The following TFIP11 variants were observed in gnomAD, a reference collection of about 807,000 sequenced individuals.
TFIP11 encodes the protein tuftelin-interacting protein 11.
In TFIP11, 86 loss-of-function variants were observed where a neutral mutation model predicts 96.8. The observed-to-expected ratio is 0.89, with a 90% CI of 0.75 to 1.06. The LOEUF is 1.06. Ranked by LOEUF, TFIP11 falls within the 50% of genes least tolerant of loss-of-function variation. The pLI, the probability that TFIP11 is intolerant of heterozygous loss-of-function variation, is 0.00. For synonymous variants in TFIP11, 405 were observed against 395.2 expected (o/e 1.02, Z -0.29); for missense variants, 881 against 1,076.7 (o/e 0.82, Z 2.54).
chr22:26,492,340 C>T lies in TFIP11; in HGVS notation c.2187G>A (p.Glu729=), dbSNP rs1921314908. The change falls in exon 15 of 15, where the codon GAG becomes GAA. Residue 729 remains glutamate, a synonymous_variant. Coordinates refer to ENST00000407690, the MANE Select transcript of TFIP11 (RefSeq NM_012143.4). ...CCGTGTGGGTGAGATAGGCAATGTT[C>T]TCCCGTGCTCCTGGCTGCATGTAGG... ...VGAYMQPGAR[E]NIAYLTHTER... The T allele has an allele frequency of 6.2e-7, 1 of 1,614,180 alleles. No homozygotes were observed. The highest frequency in any genetic ancestry group is 8.5e-7 in the Non-Finnish European group (1 of 1,180,018).
chr22:26,505,094 A>G (rs1923240334), intron 6 of TFIP11, among the ~76,000 whole-genome samples: 1 of 152,066 alleles, frequency 6.6e-6, no homozygotes, highest in African/African-American at 2.4e-5. Flanking sequence ...TAATAATGTT[A>G]TTATTATTAT....
chr22:26,496,006 A>G, intron 12 of TFIP11, 67 bp downstream of exon 12: 2 of 1,564,478 alleles, frequency 1.3e-6, no homozygotes, highest in Non-Finnish European at 1.7e-6. Flanking sequence ...TTAAATCATC[A>G]CTGCTAACCA....
At chr22:26,495,958 T>A in intron 12 of TFIP11, 115 bp downstream of exon 12, 4 of 1,426,962 alleles carry the variant, frequency 2.8e-6, no homozygotes, top group Non-Finnish European at 3.8e-6. Flanking sequence ...CAAGGAATAT[T>A]GTGTACTAAG....
chr22:26,493,807 G>A (rs1921553083), intron 14 of TFIP11: 2 of 286,466 alleles, frequency 7.0e-6, no homozygotes, highest in East Asian at 8.5e-5. Context: ...CGTCACCTAA[G>A]CAGCATGCTC....
At chr22:26,493,985 C>CA in intron 14 of TFIP11, 154 bp downstream of exon 14, 1 of 774,400 alleles carries the variant, frequency 1.3e-6, no homozygotes, top group Non-Finnish European at 2.0e-6. Context: ...CCATGTACCC[C>CA]AGTCAGCAGG....
At chr22:26,495,682 ATGTGTGTG>A (rs555549211) in intron 12 of TFIP11, among the ~76,000 whole-genome samples, 31 of 146,080 alleles carry the variant, frequency 2.1e-4, no homozygotes, top group Middle Eastern at 3.5e-3. Flanking sequence ...ATATACATAT[ATGTGTGTG>A]TGTGTGTGTG....
Position 26,491,454 on chromosome 22 carries a change from TC to T in TFIP11, c.*558del. 1 of 1,605,446 alleles carries T rather than the reference TC, an allele frequency of 6.2e-7. No homozygotes were observed. The highest frequency in any genetic ancestry group is 8.5e-7 in the Non-Finnish European group (1 of 1,176,060). ...TCTGAAGTTTTTATACTTGAATTTT[TC>T]TGCTCAGATTTTAAAAGGACTGGAG... On this transcript the variant is annotated 3_prime_UTR_variant, in exon 15 of 15. Coordinates refer to ENST00000407690, the MANE Select transcript of TFIP11 (RefSeq NM_012143.4).
At position 26,496,819 on chromosome 22, in the gene TFIP11, G is replaced by C. The variant is rs779110168; in HGVS notation, c.1507C>G (p.Pro503Ala). The change falls in exon 11 of 15, where the codon CCG (proline) becomes GCG (alanine). Residue 503 changes from proline to alanine, a missense_variant. Coordinates refer to ENST00000407690, the MANE Select transcript of TFIP11 (RefSeq NM_012143.4). Reference protein sequence around the residue: ...VTQWQPRNCDPMVDFLDSWVH... With the variant: ...VTQWQPRNCDAMVDFLDSWVH... ...CAACTATCCAAAAAGTCCACCATCG[G>C]GTCACAGTTCCTTGGCTGCCACTGG... The C allele has an allele frequency of 3.1e-6, 5 of 1,614,086 alleles. No homozygotes were observed. The highest frequency in any genetic ancestry group is 1.7e-4 in the Middle Eastern group (1 of 6,058).
At position 26,499,147 on chromosome 22, in the gene TFIP11, T is replaced by C. The variant is rs769644425; in HGVS notation, c.1286A>G (p.Tyr429Cys). 9.3e-5 allele frequency: 149 copies of C among 1,597,922 alleles called. No individual in the cohort carries two copies. The highest frequency in any genetic ancestry group is 6.3e-4 in the East Asian group (28 of 44,646). Residue 429 changes from tyrosine (Y) to cysteine (C), a missense_variant, in exon 9 of 15, where the codon TAT becomes TGT. Coordinates refer to ENST00000407690, the MANE Select transcript of TFIP11 (RefSeq NM_012143.4). ...CTTGAAGTACTCCTTCATGAGTGGATAGACGATGGCCACAGCAAGGTCCAC... is the reference window on the plus strand; with the variant it reads ...CTTGAAGTACTCCTTCATGAGTGGACAGACGATGGCCACAGCAAGGTCCAC... ...DRVDLAVAIV[Y>C]PLMKEYFKEW...
Position 26,491,330 on chromosome 22 carries a change from TA to T in TFIP11, c.*682del. The T allele has an allele frequency of 2.5e-6, 2 of 805,012 alleles. No homozygotes were observed. The highest frequency in any genetic ancestry group is 2.5e-5 in the East Asian group (1 of 39,218). 49.9% of individuals were successfully genotyped at this position (805,012 alleles called of 1,614,324 possible). A position where few individuals can be genotyped will look rare whatever the true frequency, so the allele number is the denominator to read the frequency against. ...GCCCAATTCATTGTGCAAAAGCATT[TA>T]AATCAAAATACCCTATTTGTTATTT... On this transcript the variant is annotated 3_prime_UTR_variant, in exon 15 of 15. Coordinates refer to ENST00000407690, the MANE Select transcript of TFIP11 (RefSeq NM_012143.4).
Position 26,496,142 on chromosome 22 carries a change from G to A in TFIP11, c.1780C>T (p.Pro594Ser). 6.2e-7 allele frequency: 1 copy of A among 1,613,972 alleles called. No homozygotes were observed. The highest frequency in any genetic ancestry group is 8.5e-7 in the Non-Finnish European group (1 of 1,180,024). The part of the protein sequence containing the change: ...SDSSAKLILQ[P>S]WKDVFTPGSW... ...CCAGGAGTGAAGACATCCTTCCAGGGCTGGAGGATGAGCTTGGCAGAGGAG... is the reference window on the plus strand; with the variant it reads ...CCAGGAGTGAAGACATCCTTCCAGGACTGGAGGATGAGCTTGGCAGAGGAG... Residue 594 changes from proline to serine, a missense_variant, in exon 12 of 15, where the codon CCC becomes TCC. Coordinates refer to ENST00000407690, the MANE Select transcript of TFIP11 (RefSeq NM_012143.4).
intron 8 of TFIP11, among the ~76,000 whole-genome samples, chr22:26,501,213 G>GT (rs565743111): frequency 6.4e-4 from 97 of 152,196 alleles, no homozygotes; most frequent in Non-Finnish European, 1.2e-3. Flanking sequence ...CTACATGGAC[G>GT]TAACAGTGGC....
In TFIP11 at chr22:26,491,433, A is replaced by C. The variant is rs1387678303; in HGVS notation, c.*580T>G. ...GAGTGGGGATTACTGTGACTATCTG[A>C]AGTTTTTATACTTGAATTTTTCTGC... On this transcript the variant is annotated 3_prime_UTR_variant, in exon 15 of 15. Coordinates refer to ENST00000407690, the MANE Select transcript of TFIP11 (RefSeq NM_012143.4). 9 of 1,553,722 alleles carry C rather than the reference A, an allele frequency of 5.8e-6. No homozygotes were observed. Among genetic ancestry groups the C allele is most frequent in the Non-Finnish European group, 8.0e-6 (9 of 1,131,364 alleles).
chr22:26,503,852 G>A (rs906668958), intron 6 of TFIP11, 59 bp from the exon 7 acceptor site: 4 of 1,590,786 alleles, frequency 2.5e-6, no homozygotes, highest in Non-Finnish European at 3.4e-6. Flanking sequence ...TCATGTATGT[G>A]AATCAGCCAC....
chr22:26,498,244 TA>T (rs1922307861), intron 10 of TFIP11, among the ~76,000 whole-genome samples: 1 of 152,062 alleles, frequency 6.6e-6, no homozygotes, highest in Non-Finnish European at 1.5e-5. Context: ...GGGTGAGGGA[TA>T]AAAGACTACA....
intron 4 of TFIP11, among the ~76,000 whole-genome samples, chr22:26,507,390 C>T (rs1049673305): frequency 6.6e-6 from 1 of 152,038 alleles, no homozygotes; most frequent in Non-Finnish European, 1.5e-5. Flanking sequence ...TTAGAAAAAG[C>T]TCCTAGCCAT....
chr22:26,503,646 G>A lies in TFIP11; in HGVS notation c.648+20C>T, dbSNP rs775536175. 1 of 1,613,200 alleles carries A rather than the reference G, an allele frequency of 6.2e-7. No individual in the cohort carries two copies. Among genetic ancestry groups the A allele is most frequent in the South Asian group, 1.1e-5 (1 of 90,876 alleles). On this transcript the variant is annotated intron_variant, in intron 7 of 14. Coordinates refer to ENST00000407690, the MANE Select transcript of TFIP11 (RefSeq NM_012143.4). ...AATGGACAGGACACCATCCACCCAT[G>A]TCTCCTGACTTCCAGTTACCTCTTC...
Position 26,491,505 on chromosome 22 carries a change from C to T in TFIP11, c.*508G>A, listed in dbSNP as rs1208946957. 9 of 1,614,036 alleles carry T rather than the reference C, an allele frequency of 5.6e-6. No homozygotes were observed. The highest frequency in any genetic ancestry group is 7.6e-6 in the Non-Finnish European group (9 of 1,180,004). On this transcript the variant is annotated 3_prime_UTR_variant, in exon 15 of 15. Transcript: ENST00000407690. ...GGAGCTTGAGTTTCCTCAGACTTCA[C>T]AATACATGGACATATTTAATGATAC...
Position 26,496,631 on chromosome 22 carries a change from C to T in TFIP11, c.1605+90G>A, listed in dbSNP as rs192338888. 17 of 1,456,916 alleles carry T rather than the reference C, an allele frequency of 1.2e-5. No homozygotes were observed. In the East Asian group the frequency reaches 2.1e-4, roughly 18 times the overall value. The allele number at this position is 1,456,916 out of a possible 1,614,324, so 90.2% of individuals were successfully genotyped here. A position where few individuals can be genotyped will look rare whatever the true frequency, so the allele number is the denominator to read the frequency against. ...GTTGACAAATTCCGTTAATTCCAGGCGTTTTAACAGCACTGAGATAATGAA... is the reference window on the plus strand; with the variant it reads ...GTTGACAAATTCCGTTAATTCCAGGTGTTTTAACAGCACTGAGATAATGAA... On this transcript the variant is annotated intron_variant, in intron 11 of 14. Coordinates refer to ENST00000407690, the MANE Select transcript of TFIP11 (RefSeq NM_012143.4).
Sources: gnomAD v4.1 joint callset for allele counts (sites outside exome capture counted in the v4.1 genomes callset) on GRCh38, gnomAD v4.1.1 for gene constraint, MANE v1.5 for transcripts, NCBI Gene and HGNC (gene_info 2026-07-23, HGNC 2026-07-21) for gene names.